The following RNF111 variants were observed in gnomAD, a reference collection of about 807,000 sequenced individuals.
RNF111 encodes the protein ring finger protein 111.
In RNF111, 17 loss-of-function variants were observed where a neutral mutation model predicts 95.1. That is an observed-to-expected ratio of 0.18 (90% CI 0.12 to 0.27). RNF111 has a LOEUF of 0.27. Ranked by LOEUF, RNF111 falls within the 10% of genes least tolerant of loss-of-function variation. RNF111 has a pLI of 1.00. For synonymous variants in RNF111, 440 were observed against 414.8 expected (o/e 1.06, Z -0.74); for missense variants, 1,189 against 1,210.4 (o/e 0.98, Z 0.26).
intron 5 of RNF111, 127 bp downstream of exon 5, chr15:59,058,677 A>G: frequency 2.5e-6 from 2 of 808,790 alleles, no homozygotes; most frequent in Non-Finnish European, 4.0e-6. Flanking sequence ...AATAAACTTC[A>G]TATGTTATCA....
rs143901550 is a variant in RNF111 at position 59,061,953 on chromosome 15, A to G, written c.1366+3403A>G. On this transcript the variant is annotated intron_variant, in intron 5 of 13. Transcript: ENST00000348370. ...GGACTGTGTTCTCATCCCCCCTTTC[A>G]CTAGCCCATTTCATAACTGTAAGTG... 1.3e-3 allele frequency among the ~76,000 whole-genome samples: 201 copies of G among 150,896 alleles called. 1 individual carries two copies. The highest frequency in any genetic ancestry group is 4.7e-3 in the African/African-American group (191 of 41,030).
intron 1 of RNF111, among the ~76,000 whole-genome samples, chr15:59,016,164 A>G (rs1257493705): frequency 2.0e-5 from 3 of 149,156 alleles, no homozygotes; most frequent in Non-Finnish European, 4.4e-5. Flanking sequence ...ATATATATGT[A>G]TATATATATA....
rs2040631976 is a variant in RNF111, at chr15:59,026,777, T to C, written c.-19-4027T>C. ...CAGCGATGGATTTTAGAAAAAAAAA[T>C]AGTATGAATTACTCCCTGGGTGGGA... On this transcript the variant is annotated intron_variant, in intron 1 of 13. Coordinates refer to ENST00000348370, the MANE Select transcript of RNF111 (RefSeq NM_017610.8). 2.0e-5 allele frequency among the ~76,000 whole-genome samples: 3 copies of C among 151,832 alleles called. No individual in the cohort carries two copies. The South Asian group carries it at 6.2e-4, about 32-fold the overall frequency.
intron 2 of RNF111, among the ~76,000 whole-genome samples, chr15:59,048,451 T>C (rs1235490544): frequency 2.6e-5 from 4 of 152,208 alleles, no homozygotes; most frequent in Non-Finnish European, 5.9e-5. Context: ...GGAGTTGGTA[T>C]AGGGGATGAT....
At chr15:59,024,993 G>A (rs1297461267) in intron 1 of RNF111, among the ~76,000 whole-genome samples, 3 of 152,164 alleles carry the variant, frequency 2.0e-5, no homozygotes, top group Non-Finnish European at 2.9e-5. Flanking sequence ...GTTGTAATGC[G>A]TCAGGGTTTC....
At chr15:59,012,794 A>G (rs143099887) in intron 1 of RNF111, among the ~76,000 whole-genome samples, 82 of 149,492 alleles carry the variant, frequency 5.5e-4, no homozygotes, top group African/African-American at 1.9e-3. Context: ...GCTGGAGTGC[A>G]GTGGCACAAT....
At chr15:59,019,432 A>C (rs1230696959) in intron 1 of RNF111, among the ~76,000 whole-genome samples, 1 of 152,102 alleles carries the variant, frequency 6.6e-6, no homozygotes, top group Non-Finnish European at 1.5e-5. Flanking sequence ...CTTTCTTCTA[A>C]TTTGTGACGG....
chr15:59,022,128 G>A lies in RNF111; in HGVS notation c.-19-8676G>A, dbSNP rs532256512. ...CCCCGCCTTGGCCGCCCAAAGTGCT[G>A]GGATTACAAGCATGAGCCACCACGC... is the stretch of plus-strand genomic sequence containing the variant. On this transcript the variant is annotated intron_variant, in intron 1 of 13. Transcript: ENST00000348370. Among the ~76,000 whole-genome samples the A allele has an allele frequency of 2.0e-5, 3 of 152,228 alleles. No individual in the cohort carries two copies. The South Asian group carries it at 6.2e-4, about 32-fold the overall frequency.
intron 5 of RNF111, among the ~76,000 whole-genome samples, chr15:59,063,009 C>T (rs2042506589): frequency 6.6e-6 from 1 of 152,138 alleles, no homozygotes; most frequent in Non-Finnish European, 1.5e-5. Context: ...GACAGCATTG[C>T]TTTATGCTAT....
chr15:59,039,672 A>G (rs575329751), intron 2 of RNF111, among the ~76,000 whole-genome samples: 1 of 151,828 alleles, frequency 6.6e-6, no homozygotes, highest in East Asian at 1.9e-4. Flanking sequence ...AGATTAATCT[A>G]CAGTTCCTGC....
At chr15:59,091,606 A>G (rs1238974168) in intron 12 of RNF111, among the ~76,000 whole-genome samples, 2 of 152,120 alleles carry the variant, frequency 1.3e-5, no homozygotes, top group African/African-American at 4.8e-5. Context: ...TTTGACGGAC[A>G]TTTTATTGAT....
intron 1 of RNF111, among the ~76,000 whole-genome samples, chr15:59,027,577 G>A (rs1438551628): frequency 6.6e-6 from 1 of 151,116 alleles, no homozygotes; most frequent in Non-Finnish European, 1.5e-5. Flanking sequence ...TGCCCAGGCT[G>A]GAGTGCAATG....
intron 10 of RNF111, among the ~76,000 whole-genome samples, chr15:59,088,735 T>C (rs184515760): frequency 6.6e-6 from 1 of 152,356 alleles, no homozygotes. Context: ...CTAATCAGTG[T>C]ATAACCTTTT....
At chr15:59,018,286 C>T (rs773990131) in intron 1 of RNF111, among the ~76,000 whole-genome samples, 4 of 152,250 alleles carry the variant, frequency 2.6e-5, no homozygotes, top group Non-Finnish European at 4.4e-5. Context: ...AATCTGCTAA[C>T]GGTCACTGCC....
chr15:59,058,259 TTTTA>T (rs2042280871), intron 4 of RNF111, 93 bp from the exon 5 acceptor site: 3 of 1,000,988 alleles, frequency 3.0e-6, no homozygotes, highest in Non-Finnish European at 4.3e-6. Context: ...TTTAAAGTTT[TTTTA>T]TTTATTAATT....
intron 1 of RNF111, among the ~76,000 whole-genome samples, chr15:58,991,369 T>C (rs2038809257): frequency 1.3e-5 from 2 of 152,314 alleles, no homozygotes; most frequent in Non-Finnish European, 2.9e-5. Context: ...CATTATTACG[T>C]AGATACATTT....
chr15:58,992,759 G>T (rs2141364120), intron 1 of RNF111, among the ~76,000 whole-genome samples: 1 of 152,306 alleles, frequency 6.6e-6, no homozygotes, highest in Non-Finnish European at 1.5e-5. Flanking sequence ...GGCAGAGGTT[G>T]CAATGAGCCG....
Position 59,031,510 on chromosome 15 carries a change from G to C in RNF111, c.688G>C (p.Glu230Gln), listed in dbSNP as rs2040905797. 13 of 1,614,204 alleles carry C rather than the reference G, an allele frequency of 8.1e-6. No homozygotes were observed. The highest frequency in any genetic ancestry group is 1.1e-5 in the Non-Finnish European group (13 of 1,180,038). ...NSSQRTQKQK[E>Q]RILMQRKKRE... is the part of the protein sequence containing the mutation. The stretch of plus-strand genomic sequence containing the variant: ...CTCACAGAGGACACAGAAACAAAAA[G>C]AGAGGATATTAATGCAGAGGAAGAA... The change falls in exon 2 of 14, where the codon GAG becomes CAG. Residue 230 changes from glutamate (E) to glutamine (Q), a missense_variant. Transcript: ENST00000348370.
At chr15:59,093,369 TGGG>T in intron 13 of RNF111, 1 of 422,568 alleles carries the variant, frequency 2.4e-6, no homozygotes, top group South Asian at 1.7e-5. Context: ...TTTCCTTTTC[TGGG>T]AGATGGTCTC....
Sources: gnomAD v4.1 joint callset for allele counts (sites outside exome capture counted in the v4.1 genomes callset) on GRCh38, gnomAD v4.1.1 for gene constraint, MANE v1.5 for transcripts, NCBI Gene and HGNC (gene_info 2026-07-23, HGNC 2026-07-21) for gene names.